Variants in STX1B observed in about 807,000 individuals in gnomAD.
The protein encoded by STX1B is syntaxin-1B.
STX1B carries 7 observed loss-of-function variants against 39.4 expected under a neutral mutation model. That is an observed-to-expected ratio of 0.18 (90% CI 0.10 to 0.33). The LOEUF is 0.33. STX1B is among the 10% of genes least tolerant of loss of function. The probability of loss-of-function intolerance (pLI) is 1.00; values close to 1 mark genes in which losing one functional copy is unlikely to be tolerated. For missense variants in STX1B, 198 were observed against 383.2 expected, an observed-to-expected ratio of 0.52 and a Z score of 4.04; for synonymous variants, 136 against 144.1, an observed-to-expected ratio of 0.94 and a Z score of 0.40.
chr16:30,997,167 T>C (rs2056598465), intron 5 of STX1B, 108 bp from the exon 6 acceptor site: 1 of 745,806 alleles, frequency 1.3e-6, no homozygotes, highest in Non-Finnish European at 2.3e-6. Flanking sequence ...ATGGGCGGAA[T>C]AAGGAGGAAG....
intron 1 of STX1B, among the ~76,000 whole-genome samples, chr16:31,006,575 A>T (rs1415876840): frequency 1.3e-5 from 2 of 152,142 alleles, no homozygotes; most frequent in Non-Finnish European, 1.5e-5. Context: ...AGCAGGAGGG[A>T]GATAAGCAGA....
chr16:30,995,581 T>C (rs1487122500), intron 7 of STX1B, among the ~76,000 whole-genome samples: 1 of 151,308 alleles, frequency 6.6e-6, no homozygotes, highest in Non-Finnish European at 1.5e-5. Context: ...AACCTCCGCC[T>C]CCCAGGTTCA....
chr16:30,997,868 G>A (rs1217778172), intron 4 of STX1B, among the ~76,000 whole-genome samples: 1 of 152,348 alleles, frequency 6.6e-6, no homozygotes, highest in East Asian at 1.9e-4. Flanking sequence ...GTCTTGGAAA[G>A]TCCCATCAGT....
chr16:31,000,759 C>T (rs116450849), intron 4 of STX1B, 169 bp downstream of exon 4: 1 of 687,468 alleles, frequency 1.5e-6, no homozygotes, highest in African/African-American at 1.8e-5. Flanking sequence ...CAAACTGGCC[C>T]AGCTAATTTT....
At chr16:30,995,719 G>A (rs968268380) in intron 7 of STX1B, among the ~76,000 whole-genome samples, 20 of 152,040 alleles carry the variant, frequency 1.3e-4, no homozygotes, top group African/African-American at 4.6e-4. Context: ...TCGAACTCCT[G>A]ACCTCAGGTG....
chr16:31,000,401 C>T (rs1475182213), intron 4 of STX1B, among the ~76,000 whole-genome samples: 4 of 150,404 alleles, frequency 2.7e-5, no homozygotes, highest in Admixed American at 6.6e-5. Flanking sequence ...AGCATGATCT[C>T]GGCTCACTGC....
intron 1 of STX1B, among the ~76,000 whole-genome samples, chr16:31,005,235 C>G (rs1301213360): frequency 6.6e-6 from 1 of 152,130 alleles, no homozygotes; most frequent in East Asian, 1.9e-4. Flanking sequence ...GTACAGCATC[C>G]ATTTCTGGAA....
intron 4 of STX1B, among the ~76,000 whole-genome samples, chr16:30,998,466 G>T (rs541382439): frequency 6.6e-6 from 1 of 152,372 alleles, no homozygotes; most frequent in South Asian, 2.1e-4. Flanking sequence ...ATTGGAATCG[G>T]CTGGCCCAGA....
At chr16:31,006,881 G>A (rs1377350642) in intron 1 of STX1B, among the ~76,000 whole-genome samples, 1 of 152,168 alleles carries the variant, frequency 6.6e-6, no homozygotes, top group Non-Finnish European at 1.5e-5. Flanking sequence ...TTGGGAGGGC[G>A]TGGCGGGAGG....
intron 9 of STX1B, 29 bp downstream of exon 9, chr16:30,993,100 GC>G (rs756398944): frequency 6.2e-7 from 1 of 1,605,216 alleles, no homozygotes; most frequent in South Asian, 1.1e-5. Context: ...GGGCTCCCCC[GC>G]CTACCCCCAG....
chr16:30,997,012 GT>G lies in STX1B; in HGVS notation c.401del (p.Asn134ThrfsTer53), dbSNP rs1567378097. Reference protein sequence around the residue: ...RKFVEVMTEYNATQSKYRDRC... With the variant: ...RKFVEVMTEYXATQSKYRDRC... ...GGTCCCGGTACTTGGACTGGGTCGCGTTATATTCGGTCATTACCTCCACGAA... is the reference window on the plus strand; with the variant it reads ...GGTCCCGGTACTTGGACTGGGTCGCGTATATTCGGTCATTACCTCCACGAA... On this transcript the variant is annotated frameshift_variant, in exon 6 of 10. Transcript: ENST00000215095. LOFTEE classifies it high-confidence loss of function. The G allele has an allele frequency of 6.2e-7, 1 of 1,610,640 alleles. No homozygotes were observed. The highest frequency in any genetic ancestry group is 8.5e-7 in the Non-Finnish European group (1 of 1,178,662).
rs1049674592 is a variant in STX1B, at chr16:30,989,519, G to C, written c.*3302C>G. 2 of 152,254 alleles carry C rather than the reference G, an allele frequency of 1.3e-5. No homozygotes were observed. The highest frequency in any genetic ancestry group is 4.8e-5 in the African/African-American group (2 of 41,444). The allele number at this position is 152,254 out of a possible 1,614,324, so 9.4% of individuals were successfully genotyped here. A position where few individuals can be genotyped will look rare whatever the true frequency, so the allele number is the denominator to read the frequency against. The stretch of plus-strand genomic sequence containing the variant: ...GGAGTCCTGTCCCCTCTGAGAAGGG[G>C]AGGGAGAGAGCTCTAGAAACCAACG... On this transcript the variant is annotated 3_prime_UTR_variant, in exon 10 of 10. Coordinates refer to ENST00000215095, the MANE Select transcript of STX1B (RefSeq NM_052874.5).
intron 4 of STX1B, among the ~76,000 whole-genome samples, chr16:31,000,641 G>A (rs183401672): frequency 2.0e-5 from 3 of 152,056 alleles, no homozygotes; most frequent in East Asian, 3.9e-4. Flanking sequence ...ACAGGCGCCC[G>A]CCACCACACC....
chr16:31,007,819 G>A (rs1303135208), intron 1 of STX1B, among the ~76,000 whole-genome samples: 1 of 152,222 alleles, frequency 6.6e-6, no homozygotes, highest in African/African-American at 2.4e-5. Context: ...CTAGGCACCT[G>A]ATGCATATTA....
chr16:31,001,344 GA>G lies in STX1B; in HGVS notation c.106-152del. ...CAGGAGCAGGGAAGTGGGGGACAGG[GA>G]AAAGGAAGTTGTCGGTGGCTAGGGG... On this transcript the variant is annotated intron_variant, in intron 2 of 9. Coordinates refer to ENST00000215095, the MANE Select transcript of STX1B (RefSeq NM_052874.5). This position sits in a 1 kb window ranked among gnomAD's most constrained non-coding sequence, Gnocchi z 5.5. The G allele has an allele frequency of 1.1e-6, 1 of 892,068 alleles. No individual in the cohort carries two copies. The highest frequency in any genetic ancestry group is 1.7e-6 in the Non-Finnish European group (1 of 571,702). 55.3% of individuals were successfully genotyped at this position (892,068 alleles called of 1,614,324 possible).
chr16:31,005,421 G>A (rs527461022), intron 1 of STX1B, among the ~76,000 whole-genome samples: 3 of 151,648 alleles, frequency 2.0e-5, no homozygotes, highest in East Asian at 3.9e-4. Context: ...TGATTACCAC[G>A]AGTTGGGTCC....
Position 30,993,498 on chromosome 16 carries a change from GGAGA to G in STX1B, c.538-18_538-15del. On this transcript the variant is annotated splice_polypyrimidine_tract_variant and intron_variant, in intron 7 of 9. Transcript: ENST00000215095. ...GTCCATTTTGATCTAGGGTGACGAG[GGAGA>G]GAGCTACAATCACCCTTCTCCGCCA... 1.2e-6 allele frequency: 2 copies of G among 1,612,820 alleles called. No homozygotes were observed. Among genetic ancestry groups the G allele is most frequent in the South Asian group, 2.2e-5 (2 of 91,080 alleles).
rs147945752 is a variant in STX1B, at chr16:31,003,352, A to T, written c.31-1749T>A. The stretch of plus-strand genomic sequence containing the variant: ...GCGGCACAGGTGGCATAAGTTGGGG[A>T]CCCTGAGAGGCTCTGGGATGCTGGG... On this transcript the variant is annotated intron_variant, in intron 1 of 9. Transcript: ENST00000215095. 7.0e-3 allele frequency among the ~76,000 whole-genome samples: 1,062 copies of T among 152,218 alleles called. 11 individuals are homozygous for T. The highest frequency in any genetic ancestry group is 8.6e-3 in the Non-Finnish European group (586 of 68,006).
At chr16:31,008,224 C>T (rs369656500) in intron 1 of STX1B, among the ~76,000 whole-genome samples, 35 of 147,576 alleles carry the variant, frequency 2.4e-4, no homozygotes, top group East Asian at 2.0e-3. Context: ...AATCTGTCAG[C>T]TTTTCCCACC....
Sources: gnomAD v4.1 joint callset for allele counts (sites outside exome capture counted in the v4.1 genomes callset) on GRCh38, gnomAD v4.1.1 for gene constraint, Gnocchi (gnomAD v3.1) non-coding constraint, MANE v1.5 for transcripts, NCBI Gene and HGNC (gene_info 2026-07-23, HGNC 2026-07-21) for gene names.